DOP1B: variants seen among roughly 807,000 people sequenced by gnomAD.
DOP1B encodes protein DOP1B.
DOP1B carries 174 observed loss-of-function variants against 233.5 expected under a neutral mutation model. The ratio of observed to expected loss-of-function variants is 0.75; its 90% confidence interval spans 0.66 to 0.85. The LOEUF (loss-of-function observed/expected upper bound fraction) is 0.85. Among genes scored for constraint, DOP1B ranks in the 40% least tolerant of loss-of-function variants. The probability of loss-of-function intolerance (pLI) is 0.00; values close to 1 mark genes in which losing one functional copy is unlikely to be tolerated. For synonymous variants in DOP1B, 1,190 were observed against 1,185.6 expected, an observed-to-expected ratio of 1.00 and a Z score of -0.08; for missense variants, 2,652 against 2,846.6, an observed-to-expected ratio of 0.93 and a Z score of 1.56.
At chr21:36,244,660 C>T (rs947642580) in intron 18 of DOP1B, among the ~76,000 whole-genome samples, 2 of 152,062 alleles carry the variant, frequency 1.3e-5, no homozygotes, top group East Asian at 1.9e-4. Context: ...TCCTGACCTC[C>T]GGTGATCTAC....
intron 2 of DOP1B, among the ~76,000 whole-genome samples, chr21:36,191,691 C>G (rs1477009542): frequency 1.3e-5 from 2 of 151,500 alleles, no homozygotes; most frequent in Non-Finnish European, 2.9e-5. Flanking sequence ...GAGGCGGAGG[C>G]AGGAGAATTG....
intron 2 of DOP1B, among the ~76,000 whole-genome samples, chr21:36,197,637 T>G (rs2066306623): frequency 6.6e-6 from 1 of 151,936 alleles, no homozygotes; most frequent in Admixed American, 6.6e-5. Flanking sequence ...TGAGGAAGAG[T>G]TAGCAAGGTG....
chr21:36,199,076 C>T lies in DOP1B; in HGVS notation c.145C>T (p.Gln49Ter), dbSNP rs1339182236. ...SSLGKLNKAL[Q>*]SNLRYSLLPR... is the part of the protein sequence containing the mutation. ...TTTTTGTCTTGTTTGACAGGCTCTT[C>T]AGAGTAACCTGAGGTACTCCTTGTT... is the stretch of plus-strand genomic sequence containing the variant. Residue 49 changes from glutamine (Q) to a stop codon, truncating the protein, a stop_gained, in exon 3 of 37, where the codon CAG becomes TAG. Coordinates refer to ENST00000691173, the MANE Select transcript of DOP1B (RefSeq NM_001320714.2). LOFTEE classifies it high-confidence loss of function. 1.4e-5 allele frequency: 22 copies of T among 1,608,560 alleles called. No homozygotes were observed. Among genetic ancestry groups the T allele is most frequent in the Non-Finnish European group, 1.8e-5 (21 of 1,178,414 alleles).
chr21:36,293,290 A>G (rs371469265), intron 36 of DOP1B, 30 bp from the exon 37 acceptor site: 1 of 1,606,234 alleles, frequency 6.2e-7, no homozygotes, highest in East Asian at 2.2e-5. Flanking sequence ...GTAAAACCAT[A>G]TCATTGTTAT....
In DOP1B at chr21:36,200,458, G is replaced by C; in HGVS notation, c.448G>C (p.Gly150Arg). 1 of 1,612,826 alleles carries C rather than the reference G, an allele frequency of 6.2e-7. No individual in the cohort carries two copies. The highest frequency in any genetic ancestry group is 8.5e-7 in the Non-Finnish European group (1 of 1,179,894). ...GCCCAGTCTGCAGGCCTTCATCGTG[G>C]GCCTGCTGCCCGGCCTTGAAGAGGG... ...LLPSLQAFIV[G>R]LLPGLEEGSE... The change falls in exon 4 of 37, where the codon GGC becomes CGC. Residue 150 changes from glycine (G) to arginine (R), a missense_variant. Transcript: ENST00000691173.
Position 36,199,260 on chromosome 21 carries a change from G to T in DOP1B, c.320+9G>T. 1 of 1,608,984 alleles carries T rather than the reference G, an allele frequency of 6.2e-7. No homozygotes were observed. Among genetic ancestry groups the T allele is most frequent in the South Asian group, 1.1e-5 (1 of 90,122 alleles). On this transcript the variant is annotated intron_variant, in intron 3 of 36. Transcript: ENST00000691173. ...GACTTGTTTCTGTACAGGTGCGATT[G>T]CTTCTCTGCTGTGTTCCTTTTTATT...
At chr21:36,186,160 G>C (rs1051354262) in intron 2 of DOP1B, among the ~76,000 whole-genome samples, 1 of 151,802 alleles carries the variant, frequency 6.6e-6, no homozygotes, top group African/African-American at 2.4e-5. Context: ...CTAAGATTGC[G>C]CCACTGCACT....
At chr21:36,210,340 G>T (rs1257459067) in intron 5 of DOP1B, among the ~76,000 whole-genome samples, 1 of 151,930 alleles carries the variant, frequency 6.6e-6, no homozygotes, top group African/African-American at 2.4e-5. Context: ...GAAACCCCAC[G>T]TTTATTAAAA....
chr21:36,167,137 C>T (rs568650797), intron 2 of DOP1B, among the ~76,000 whole-genome samples: 59 of 152,300 alleles, frequency 3.9e-4, no homozygotes, highest in African/African-American at 1.4e-3. Flanking sequence ...TTTCAGTACT[C>T]AGCCCTCCTG....
intron 1 of DOP1B, among the ~76,000 whole-genome samples, chr21:36,161,532 A>G (rs2065869594): frequency 6.6e-6 from 1 of 151,996 alleles, no homozygotes; most frequent in African/African-American, 2.4e-5. Context: ...GTTGTTTTTG[A>G]GACAGGGTCT....
intron 1 of DOP1B, among the ~76,000 whole-genome samples, chr21:36,159,019 C>A (rs1412750126): frequency 1.3e-5 from 2 of 151,732 alleles, no homozygotes; most frequent in African/African-American, 4.8e-5. Flanking sequence ...GTAATCCCAG[C>A]TACTCGGGAG....
At chr21:36,203,907 C>A (rs996979070) in intron 4 of DOP1B, among the ~76,000 whole-genome samples, 41 of 150,132 alleles carry the variant, frequency 2.7e-4, no homozygotes, top group Non-Finnish European at 8.8e-5. Flanking sequence ...CATGAAATAG[C>A]TACATAGCTG....
Position 36,208,702 on chromosome 21 carries a change from C to G in DOP1B, c.492-13C>G, listed in dbSNP as rs905361605. The G allele has an allele frequency of 4.3e-6, 7 of 1,610,808 alleles. No individual in the cohort carries two copies. Among genetic ancestry groups the G allele is most frequent in the South Asian group, 1.1e-5 (1 of 90,796 alleles). On this transcript the variant is annotated splice_polypyrimidine_tract_variant and intron_variant, in intron 4 of 36. Coordinates refer to ENST00000691173, the MANE Select transcript of DOP1B (RefSeq NM_001320714.2). Reference sequence around the variant, plus strand: ...GGGGCGAGCCCTTGAACCCTATCCTCTCTCATCAACAGAACGGATGCTCTG... The same window carrying G: ...GGGGCGAGCCCTTGAACCCTATCCTGTCTCATCAACAGAACGGATGCTCTG...
rs539388464 is a variant in DOP1B at position 36,190,459 on chromosome 21, G to T, written c.139-8611G>T. ...CTCACTCAGGCTGGAGTGCAGTGGC[G>T]CAATCTCAGCTCACTGCAACCTCTG... is the stretch of plus-strand genomic sequence containing the variant. On this transcript the variant is annotated intron_variant, in intron 2 of 36. Transcript: ENST00000691173. 7.9e-4 allele frequency among the ~76,000 whole-genome samples: 120 copies of T among 151,246 alleles called. 1 individual carries two copies. Among genetic ancestry groups the T allele is most frequent in the African/African-American group, 2.8e-3 (114 of 41,198 alleles).
At position 36,244,915 on chromosome 21, in the gene DOP1B, G is replaced by C. The variant is rs553367378; in HGVS notation, c.3068-133G>C. The C allele has an allele frequency of 2.7e-5, 23 of 860,518 alleles. No individual in the cohort carries two copies. The African/African-American group carries it at 3.7e-4, about 14-fold the overall frequency. 53.3% of individuals were successfully genotyped at this position (860,518 alleles called of 1,614,324 possible). Reference sequence around the variant, plus strand: ...TGTCTGTAATGTAAACCGGACTCTGGTGGTGGTGTTTCATGTGAGAATTTT... The same window carrying C: ...TGTCTGTAATGTAAACCGGACTCTGCTGGTGGTGTTTCATGTGAGAATTTT... On this transcript the variant is annotated intron_variant, in intron 18 of 36. Transcript: ENST00000691173.
At chr21:36,217,556 G>A (rs1055196281) in intron 9 of DOP1B, among the ~76,000 whole-genome samples, 1 of 152,184 alleles carries the variant, frequency 6.6e-6, no homozygotes, top group Admixed American at 6.5e-5. Flanking sequence ...TACCCGAGAT[G>A]TTTGCCTCTG....
intron 18 of DOP1B, among the ~76,000 whole-genome samples, chr21:36,242,780 T>C (rs977215696): frequency 6.6e-6 from 1 of 152,196 alleles, no homozygotes; most frequent in Non-Finnish European, 1.5e-5. Context: ...CCCCACCCTA[T>C]TTCTGTAATC....
At chr21:36,184,308 C>T (rs550605152) in intron 2 of DOP1B, among the ~76,000 whole-genome samples, 3 of 152,248 alleles carry the variant, frequency 2.0e-5, no homozygotes, top group Admixed American at 6.5e-5. Flanking sequence ...CTTGGTCTCC[C>T]AGAGTGCTGC....
chr21:36,247,807 T>C (rs1178494471), intron 20 of DOP1B, among the ~76,000 whole-genome samples, 179 bp downstream of exon 20: 2 of 152,248 alleles, frequency 1.3e-5, no homozygotes, highest in Non-Finnish European at 2.9e-5. Flanking sequence ...TGCAAATGCA[T>C]GTGTGTTAGC....
Sources: allele counts gnomAD v4.1 joint callset (sites outside exome capture counted in the v4.1 genomes callset), GRCh38; gene constraint gnomAD v4.1.1; transcripts MANE v1.5; gene names NCBI Gene and HGNC (gene_info 2026-07-23, HGNC 2026-07-21).